Variants in LDB2 observed in about 807,000 individuals in gnomAD.
LDB2 encodes the protein LIM domain binding 2, also known as LIM domain-binding protein 2.
A neutral mutation model predicts 44.3 loss-of-function variants in LDB2; 12 were observed. The ratio of observed to expected loss-of-function variants is 0.27; its 90% CI spans 0.17 to 0.44. LDB2 has a LOEUF of 0.44. LDB2 is among the 20% of genes least tolerant of loss of function. The probability of loss-of-function intolerance (pLI) is 1.00; values close to 1 mark genes in which losing one functional copy is unlikely to be tolerated. For missense variants in LDB2, 344 were observed against 473.5 expected (o/e 0.73, Z 2.54); for synonymous variants, 164 against 174.8 (o/e 0.94, Z 0.49).
At chr4:16,645,730 C>T (rs1382224677) in intron 2 of LDB2, among the ~76,000 whole-genome samples, 2 of 151,978 alleles carry the variant, frequency 1.3e-5, no homozygotes, top group Admixed American at 1.3e-4. Context: ...TTTGGCACAT[C>T]CAGGATTGTA....
intron 2 of LDB2, among the ~76,000 whole-genome samples, chr4:16,629,694 AG>A (rs772032475): frequency 1.3e-5 from 2 of 152,154 alleles, no homozygotes; most frequent in South Asian, 2.1e-4. Flanking sequence ...CCTTGAAAAA[AG>A]GTTAGAAGAA....
chr4:16,619,801 T>TTG (rs900775374), intron 2 of LDB2, among the ~76,000 whole-genome samples: 2 of 151,938 alleles, frequency 1.3e-5, no homozygotes, highest in African/African-American at 4.8e-5. Context: ...TCTCTGTTTT[T>TTG]TTTTTTTTTT....
chr4:16,555,522 G>T (rs895950402), intron 5 of LDB2, among the ~76,000 whole-genome samples: 1 of 152,186 alleles, frequency 6.6e-6, no homozygotes, highest in African/African-American at 2.4e-5. Flanking sequence ...CATGAAGTGT[G>T]TCATGCCTCC....
At chr4:16,631,168 G>T (rs1731836595) in intron 2 of LDB2, among the ~76,000 whole-genome samples, 1 of 152,074 alleles carries the variant, frequency 6.6e-6, no homozygotes, top group African/African-American at 2.4e-5. Flanking sequence ...TTCTAAAATT[G>T]ACCACATAAT....
At chr4:16,832,214 C>G (rs1404114778) in intron 1 of LDB2, among the ~76,000 whole-genome samples, 1 of 152,200 alleles carries the variant, frequency 6.6e-6, no homozygotes, top group Non-Finnish European at 1.5e-5. Flanking sequence ...ATCATGTTCT[C>G]TCATCTTCAG....
intron 5 of LDB2, among the ~76,000 whole-genome samples, chr4:16,573,388 G>A (rs1033777307): frequency 2.6e-5 from 4 of 152,090 alleles, no homozygotes; most frequent in African/African-American, 9.7e-5. Context: ...ATATGAGCTC[G>A]ATAAACCTTG....
intron 2 of LDB2, among the ~76,000 whole-genome samples, chr4:16,757,568 A>G (rs1166420698): frequency 6.6e-6 from 1 of 152,166 alleles, no homozygotes; most frequent in African/African-American, 2.4e-5. Context: ...TGGATTCCCG[A>G]ACCAACAAAG....
intron 6 of LDB2, among the ~76,000 whole-genome samples, chr4:16,510,363 C>A (rs1256964907): frequency 6.6e-6 from 1 of 152,082 alleles, no homozygotes; most frequent in Non-Finnish European, 1.5e-5. Context: ...GGTGCTTGCT[C>A]TGAAGGATGA....
chr4:16,516,533 G>C lies in LDB2; in HGVS notation c.616-4429C>G, dbSNP rs74996969. ...TTAAGTATATTAACAAAACTATCCT[G>C]TCTTAGGAAATCACATTCTTCCAAA... On this transcript the variant is annotated intron_variant, in intron 5 of 7. Transcript: ENST00000304523. 2.0e-3 allele frequency among the ~76,000 whole-genome samples: 300 copies of C among 152,270 alleles called. 1 individual carries two copies. The highest frequency in any genetic ancestry group is 6.9e-3 in the African/African-American group (285 of 41,546).
intron 2 of LDB2, among the ~76,000 whole-genome samples, chr4:16,632,791 G>C (rs1253028078): frequency 1.3e-5 from 2 of 152,102 alleles, no homozygotes; most frequent in Non-Finnish European, 2.9e-5. Context: ...GAAACAACAG[G>C]TGCTGGAGAG....
At chr4:16,813,876 TC>T (rs1183876015) in intron 1 of LDB2, among the ~76,000 whole-genome samples, 2 of 150,402 alleles carry the variant, frequency 1.3e-5, no homozygotes, top group Non-Finnish European at 3.0e-5. Flanking sequence ...TCTTTTCTTT[TC>T]TTTTTTTTTT....
intron 2 of LDB2, among the ~76,000 whole-genome samples, chr4:16,752,079 C>CA (rs1765600695): frequency 6.6e-6 from 1 of 152,182 alleles, no homozygotes; most frequent in Admixed American, 6.5e-5. Context: ...GAGACAACGA[C>CA]ATTTATGTTT....
chr4:16,795,460 T>A (rs1463919330), intron 1 of LDB2, among the ~76,000 whole-genome samples: 1 of 152,086 alleles, frequency 6.6e-6, no homozygotes, highest in African/African-American at 2.4e-5. Flanking sequence ...CTCCCTCTAG[T>A]CCTAGTCCTG....
intron 5 of LDB2, among the ~76,000 whole-genome samples, chr4:16,561,740 A>G (rs1742384933): frequency 6.6e-6 from 1 of 152,196 alleles, no homozygotes; most frequent in Non-Finnish European, 1.5e-5. Context: ...ACATGGAACC[A>G]AAAAAGAGCC....
rs1233324584 is a variant in LDB2 at position 16,755,524 on chromosome 4, TATGTGA to T, written c.235+3628_235+3633del. Among the ~76,000 whole-genome samples, 4 of 39,892 alleles carry T rather than the reference TATGTGA, an allele frequency of 1.0e-4. No individual in the cohort carries two copies. In the East Asian group the frequency reaches 1.8e-3, roughly 18 times the overall value. The allele number at this position is 39,892 out of a possible 152,430, so 26.2% of individuals were successfully genotyped here. On this transcript the variant is annotated intron_variant, in intron 2 of 7. Coordinates refer to ENST00000304523, the MANE Select transcript of LDB2 (RefSeq NM_001290.5). ...GTGTGTGTGTGTGTGTGTGTGTGTGTATGTGAGAGAGAGAGAGACAGACAGACAGAG... is the reference window on the plus strand; with the variant it reads ...GTGTGTGTGTGTGTGTGTGTGTGTGTGAGAGAGAGAGACAGACAGACAGAG...
intron 2 of LDB2, among the ~76,000 whole-genome samples, chr4:16,629,967 G>A (rs1246709208): frequency 6.6e-6 from 1 of 152,196 alleles, no homozygotes; most frequent in African/African-American, 2.4e-5. Context: ...TTTGATTGGT[G>A]TACCTGAAAG....
At chr4:16,742,901 A>G (rs1409982503) in intron 2 of LDB2, among the ~76,000 whole-genome samples, 4 of 152,086 alleles carry the variant, frequency 2.6e-5, no homozygotes, top group African/African-American at 9.7e-5. Context: ...TGCCTACTCA[A>G]ATCATACTCA....
chr4:16,737,489 T>A (rs1013784960), intron 2 of LDB2, among the ~76,000 whole-genome samples: 1 of 152,166 alleles, frequency 6.6e-6, no homozygotes, highest in African/African-American at 2.4e-5. Context: ...AAAAAATTAA[T>A]GACAGGATGT....
intron 1 of LDB2, among the ~76,000 whole-genome samples, chr4:16,896,671 A>G (rs1468814563): frequency 2.6e-5 from 4 of 152,164 alleles, no homozygotes; most frequent in South Asian, 2.1e-4. Flanking sequence ...TTTATAACTA[A>G]TCATACTTTT....
Sources: gnomAD v4.1 joint callset for allele counts (sites outside exome capture counted in the v4.1 genomes callset) on GRCh38, gnomAD v4.1.1 for gene constraint, MANE v1.5 for transcripts, NCBI Gene and HGNC (gene_info 2026-07-23, HGNC 2026-07-21) for gene names.